The following PID1 variants were observed in gnomAD, a reference collection of about 807,000 sequenced individuals.
PID1 encodes the protein phosphotyrosine interaction domain containing 1, also known as PTB-containing, cubilin and LRP1-interacting protein.
Under a neutral mutation model 19.1 loss-of-function variants are expected in PID1, and 10 were observed. That is an observed-to-expected ratio of 0.52 (90% CI 0.32 to 0.89). The LOEUF is 0.89. Among genes scored for constraint, PID1 ranks in the 40% least tolerant of loss-of-function variants. The pLI, the probability that PID1 is intolerant of heterozygous loss-of-function variation, is 0.03. For missense variants in PID1, 248 were observed against 285.3 expected, an observed-to-expected ratio of 0.87 and a Z score of 0.94; for synonymous variants, 130 against 116.0, an observed-to-expected ratio of 1.12 and a Z score of -0.78.
At chr2:229,201,760 C>T (rs1234483639) in intron 1 of PID1, among the ~76,000 whole-genome samples, 1 of 152,058 alleles carries the variant, frequency 6.6e-6, no homozygotes, top group African/African-American at 2.4e-5. Context: ...ATCAGGTTTC[C>T]AATTCCTCTA....
intron 2 of PID1, among the ~76,000 whole-genome samples, chr2:229,080,102 C>A (rs1301304014): frequency 6.6e-6 from 1 of 152,166 alleles, no homozygotes; most frequent in East Asian, 1.9e-4. Context: ...GACCTGTGAG[C>A]ACCTCAGCGG....
At chr2:229,199,072 A>C (rs1691436245) in intron 1 of PID1, among the ~76,000 whole-genome samples, 1 of 151,920 alleles carries the variant, frequency 6.6e-6, no homozygotes, top group South Asian at 2.1e-4. Flanking sequence ...TGTTCTAGAT[A>C]CTGTGGCCAA....
intron 2 of PID1, among the ~76,000 whole-genome samples, chr2:229,146,929 G>A (rs6759971): frequency 0.97 from 147,581 of 152,274 alleles, 71,563 homozygotes; most frequent in East Asian, 1. Flanking sequence ...TAGAGCCTCC[G>A]GGAGCATGAC....
At chr2:229,128,654 T>TAAACAAGCTAAAAATAATAAACAAG (rs1689640664) in intron 2 of PID1, among the ~76,000 whole-genome samples, 2 of 152,148 alleles carry the variant, frequency 1.3e-5, no homozygotes, top group African/African-American at 4.8e-5. Flanking sequence ...CTAAAAAAAA[T>TAAACAAGCTAAAAATAATAAACAAG]CTAAAAAATA....
Position 229,025,830 on chromosome 2 carries a change from C to T in PID1, c.456G>A (p.Arg152=). Reference sequence around the variant, plus strand: ...GGTAGGACAGGTCATCATTGATCTCCCTGTAGACCCAGGCGAAGATGTTGG... The same window carrying T: ...GGTAGGACAGGTCATCATTGATCTCTCTGTAGACCCAGGCGAAGATGTTGG... The part of the protein sequence containing the change: ...VSPNIFAWVY[R]EINDDLSYQM... Residue 152 remains arginine, a synonymous_variant, in exon 3 of 3, where the codon AGG becomes AGA. Transcript: ENST00000392055. The T allele has an allele frequency of 6.2e-7, 1 of 1,614,168 alleles. No homozygotes were observed. Among genetic ancestry groups the T allele is most frequent in the Non-Finnish European group, 8.5e-7 (1 of 1,180,034 alleles).
intron 1 of PID1, among the ~76,000 whole-genome samples, chr2:229,179,589 C>T (rs904327998): frequency 1.3e-4 from 20 of 152,150 alleles, no homozygotes; most frequent in East Asian, 1.9e-4. Context: ...TAAGACTGAA[C>T]CATTTTCATT....
At position 229,066,945 on chromosome 2, in the gene PID1, T is replaced by A. The variant is rs182451299; in HGVS notation, c.178-40837A>T. Among the ~76,000 whole-genome samples, 4 of 152,242 alleles carry A rather than the reference T, an allele frequency of 2.6e-5. No homozygotes were observed. In the East Asian group the frequency reaches 7.7e-4, roughly 29 times the overall value. ...CCAAATTTTTAAATATATGCCATCG[T>A]TACTATCTTAGACTGTTCTCACACT... On this transcript the variant is annotated intron_variant, in intron 2 of 2. Transcript: ENST00000392055.
At chr2:229,047,500 TTA>T (rs1377419796) in intron 2 of PID1, among the ~76,000 whole-genome samples, 3 of 152,150 alleles carry the variant, frequency 2.0e-5, no homozygotes, top group Non-Finnish European at 4.4e-5. Flanking sequence ...AAAGAGAGTT[TTA>T]TGTCACCAGG....
chr2:229,175,885 G>A (rs769440082), intron 1 of PID1, among the ~76,000 whole-genome samples: 14 of 152,050 alleles, frequency 9.2e-5, no homozygotes, highest in Admixed American at 2.0e-4. Flanking sequence ...ACTAAGATTC[G>A]CAGTTACTAG....
At chr2:229,069,142 T>TG (rs377337043) in intron 2 of PID1, among the ~76,000 whole-genome samples, 76,259 of 139,224 alleles carry the variant, frequency 0.55, 20,601 homozygotes, top group Non-Finnish European at 0.6. Flanking sequence ...GAGAAGGGTT[T>TG]TTGTGTGTGT....
chr2:229,202,762 G>T (rs1352729964), intron 1 of PID1, among the ~76,000 whole-genome samples: 1 of 152,040 alleles, frequency 6.6e-6, no homozygotes, highest in Non-Finnish European at 1.5e-5. Flanking sequence ...AAGCGGAAAT[G>T]GTTTACTTTA....
intron 2 of PID1, among the ~76,000 whole-genome samples, chr2:229,140,262 T>C (rs1385252666): frequency 6.6e-6 from 1 of 152,294 alleles, no homozygotes; most frequent in East Asian, 1.9e-4. Flanking sequence ...CCAATCCATT[T>C]GTCATATAAT....
intron 2 of PID1, among the ~76,000 whole-genome samples, chr2:229,047,288 A>G (rs1417603213): frequency 1.3e-5 from 2 of 152,218 alleles, no homozygotes; most frequent in East Asian, 1.9e-4. Flanking sequence ...TGATCCTTCC[A>G]TCTGGCCCCC....
intron 2 of PID1, among the ~76,000 whole-genome samples, chr2:229,033,536 G>C (rs990893335): frequency 2.0e-5 from 3 of 152,088 alleles, no homozygotes; most frequent in Non-Finnish European, 2.9e-5. Context: ...GTTGGAGGGT[G>C]GGGGGCTAGG....
intron 2 of PID1, among the ~76,000 whole-genome samples, chr2:229,051,451 C>T (rs1693994314): frequency 6.6e-6 from 1 of 152,114 alleles, no homozygotes; most frequent in Non-Finnish European, 1.5e-5. Context: ...GGTTCTTCTG[C>T]CTCAGCCTCC....
chr2:229,162,386 C>T (rs1029821631), intron 1 of PID1, among the ~76,000 whole-genome samples: 22 of 152,136 alleles, frequency 1.4e-4, no homozygotes, highest in African/African-American at 4.1e-4. Flanking sequence ...AAATATAAAA[C>T]ATCTTTGGAA....
intron 1 of PID1, among the ~76,000 whole-genome samples, chr2:229,210,421 GCAGC>G (rs137894249): frequency 0.44 from 65,051 of 147,390 alleles, 15,529 homozygotes; most frequent in East Asian, 0.76. Context: ...AGTGAGGCAG[GCAGC>G]AGAATGGCCT....
chr2:229,103,072 G>A (rs1004072504), intron 2 of PID1, among the ~76,000 whole-genome samples: 6 of 152,168 alleles, frequency 3.9e-5, no homozygotes, highest in Admixed American at 2.6e-4. Context: ...AACCTCTTCC[G>A]GGCAAAGGTT....
In PID1 at chr2:229,080,738, G is replaced by A. The variant is rs1159372223; in HGVS notation, c.178-54630C>T. ...AAATATTTATTAAATAAACTGTTGT[G>A]AATGTTGCCCAAATCAAAATGCAGT... On this transcript the variant is annotated intron_variant, in intron 2 of 2. Coordinates refer to ENST00000392055, the MANE Select transcript of PID1 (RefSeq NM_001100818.2). Among the ~76,000 whole-genome samples, 5 of 152,286 alleles carry A rather than the reference G, an allele frequency of 3.3e-5. No individual in the cohort carries two copies. In the South Asian group the frequency reaches 1.0e-3, roughly 32 times the overall value.
Sources: gnomAD v4.1 joint callset for allele counts (sites outside exome capture counted in the v4.1 genomes callset) on GRCh38, gnomAD v4.1.1 for gene constraint, MANE v1.5 for transcripts, NCBI Gene and HGNC (gene_info 2026-07-23, HGNC 2026-07-21) for gene names.